The following SIMC1 variants were observed in gnomAD, a reference collection of about 807,000 sequenced individuals.
SIMC1 encodes the protein SUMO interacting motifs containing 1.
A neutral mutation model predicts 82.3 loss-of-function variants in SIMC1; 55 were observed. The ratio of observed to expected loss-of-function variants is 0.67; its 90% CI spans 0.54 to 0.84. The LOEUF is 0.84. SIMC1 is among the 40% of genes least tolerant of loss of function. SIMC1 has a pLI of 0.00. For synonymous variants in SIMC1, 353 were observed against 426.3 expected, an observed-to-expected ratio of 0.83 and a Z score of 2.12; for missense variants, 915 against 1,107.2, an observed-to-expected ratio of 0.83 and a Z score of 2.46.
rs542385317 is a variant in SIMC1 at position 176,284,177 on chromosome 5, A to T, written c.130-5477A>T. 5.3e-5 allele frequency among the ~76,000 whole-genome samples: 8 copies of T among 152,348 alleles called. No homozygotes were observed. The South Asian group carries it at 1.7e-3, about 32-fold the overall frequency. On this transcript the variant is annotated intron_variant, in intron 1 of 9. Transcript: ENST00000429602. ...ACTCAGCTCTGTACCAAGCGGACCT[A>T]CTAGACATCTACAGAACTCTCCACC...
chr5:176,275,733 G>A (rs1287027073), intron 1 of SIMC1, among the ~76,000 whole-genome samples: 1 of 151,902 alleles, frequency 6.6e-6, no homozygotes, highest in Admixed American at 6.5e-5. Flanking sequence ...AGATAATCAT[G>A]TGGTTTTTGT....
In SIMC1 at chr5:176,289,680, C is replaced by G; in HGVS notation, c.156C>G (p.Thr52=). The G allele has an allele frequency of 2.5e-6, 4 of 1,609,184 alleles. No homozygotes were observed. Among genetic ancestry groups the G allele is most frequent in the Non-Finnish European group, 3.4e-6 (4 of 1,177,716 alleles). Residue 52 remains threonine, a synonymous_variant, in exon 2 of 10, where the codon ACC becomes ACG. Transcript: ENST00000429602. ...ACTTCATTGACTTAACTAGAGAGAC[C>G]AGACCAAGGACAAAAGATCGCAGTG... is the stretch of plus-strand genomic sequence containing the variant. ...TVDFIDLTRE[T]RPRTKDRSGL...
chr5:176,304,599 C>T (rs1314034519), intron 4 of SIMC1, among the ~76,000 whole-genome samples: 25 of 148,120 alleles, frequency 1.7e-4, no homozygotes, highest in East Asian at 2.0e-4. Flanking sequence ...AGCCTCTGCC[C>T]GGCCGCCACC....
At chr5:176,272,683 T>C (rs1341544754) in intron 1 of SIMC1, among the ~76,000 whole-genome samples, 1 of 152,172 alleles carries the variant, frequency 6.6e-6, no homozygotes, top group Non-Finnish European at 1.5e-5. Flanking sequence ...TTCCCTTTCC[T>C]AGCCAAGGGA....
chr5:176,318,840 C>G (rs996299504), intron 5 of SIMC1, among the ~76,000 whole-genome samples: 1 of 152,188 alleles, frequency 6.6e-6, no homozygotes, highest in Non-Finnish European at 1.5e-5. Flanking sequence ...GGCGTGGTGG[C>G]TCACGCCTGT....
chr5:176,303,294 A>G (rs915750082), intron 4 of SIMC1, among the ~76,000 whole-genome samples: 1 of 145,882 alleles, frequency 6.9e-6, no homozygotes, highest in Non-Finnish European at 1.5e-5. Flanking sequence ...AAAAGTTGGT[A>G]TCTTGCAAAG....
In SIMC1 at chr5:176,308,237, A is replaced by G. The variant is rs889865396; in HGVS notation, c.1735-5454A>G. ...CAAATTTGCATATACTGGAACTGAA[A>G]TGCGCACAGTTGCTGAAAAGGTTGA... On this transcript the variant is annotated intron_variant, in intron 4 of 9. Coordinates refer to ENST00000429602, the MANE Select transcript of SIMC1 (RefSeq NM_001308195.2). 22 of 1,540,756 alleles carry G rather than the reference A, an allele frequency of 1.4e-5. No individual in the cohort carries two copies. The African/African-American group carries it at 2.9e-4, about 20-fold the overall frequency.
chr5:176,245,853 T>C (rs953351540), intron 1 of SIMC1, among the ~76,000 whole-genome samples: 8 of 152,206 alleles, frequency 5.3e-5, no homozygotes, highest in African/African-American at 1.9e-4. Context: ...CAAGGGTGGC[T>C]CCAGTCCAAG....
chr5:176,271,781 C>A (rs72645796), intron 1 of SIMC1, among the ~76,000 whole-genome samples: 21,064 of 149,424 alleles, frequency 0.14, 1,502 homozygotes, highest in Middle Eastern at 0.21. Flanking sequence ...ACCCATTTAC[C>A]CTGATGTGAT....
intron 4 of SIMC1, among the ~76,000 whole-genome samples, chr5:176,302,934 A>G (rs909094424): frequency 2.6e-5 from 4 of 152,230 alleles, no homozygotes; most frequent in African/African-American, 4.8e-5. Context: ...TCCTATATTC[A>G]TGGAGTGGAA....
At chr5:176,271,544 T>G (rs990437887) in intron 1 of SIMC1, among the ~76,000 whole-genome samples, 2 of 151,806 alleles carry the variant, frequency 1.3e-5, no homozygotes, top group Non-Finnish European at 2.9e-5. Flanking sequence ...ATGGTGATAG[T>G]GAGTAGAATG....
chr5:176,335,915 C>G (rs756245407), intron 7 of SIMC1, among the ~76,000 whole-genome samples: 18 of 151,976 alleles, frequency 1.2e-4, no homozygotes, highest in Non-Finnish European at 2.5e-4. Context: ...CAGTGGCACA[C>G]TCCTGTAGTT....
At chr5:176,325,031 G>A (rs1002465862) in intron 7 of SIMC1, among the ~76,000 whole-genome samples, 14 of 152,108 alleles carry the variant, frequency 9.2e-5, no homozygotes, top group Admixed American at 2.0e-4. Context: ...CCTAAATGGA[G>A]GCTAAATTTT....
At chr5:176,329,543 G>A (rs1489147008) in intron 7 of SIMC1, among the ~76,000 whole-genome samples, 2 of 149,792 alleles carry the variant, frequency 1.3e-5, no homozygotes, top group Non-Finnish European at 3.0e-5. Flanking sequence ...TCATCACAAG[G>A]ATTCCTTGTG....
intron 2 of SIMC1, among the ~76,000 whole-genome samples, chr5:176,293,877 C>T (rs1763688990): frequency 6.6e-6 from 1 of 151,726 alleles, no homozygotes; most frequent in African/African-American, 2.4e-5. Context: ...TATAGAAGAG[C>T]ACATAGAGAA....
chr5:176,254,250 A>G (rs1228485981), intron 1 of SIMC1, among the ~76,000 whole-genome samples: 1 of 152,188 alleles, frequency 6.6e-6, no homozygotes, highest in Admixed American at 6.5e-5. Flanking sequence ...GTGAAATTTC[A>G]ATTACACCGT....
chr5:176,330,550 G>A (rs992772707), intron 7 of SIMC1, among the ~76,000 whole-genome samples: 8 of 152,200 alleles, frequency 5.3e-5, no homozygotes, highest in Non-Finnish European at 8.8e-5. Flanking sequence ...AAAAGACACA[G>A]GAGTCAGCTT....
chr5:176,271,188 C>T (rs1762410021), intron 1 of SIMC1, among the ~76,000 whole-genome samples: 1 of 152,070 alleles, frequency 6.6e-6, no homozygotes, highest in Non-Finnish European at 1.5e-5. Flanking sequence ...GGCGAAACCC[C>T]ATCTCTACTA....
Position 176,321,885 on chromosome 5 carries a change from C to CTTTTT in SIMC1, c.1890-371_1890-367dup, listed in dbSNP as rs11418187. 7.8e-3 allele frequency among the ~76,000 whole-genome samples: 707 copies of CTTTTT among 90,726 alleles called. 5 individuals carry two copies. The highest frequency in any genetic ancestry group is 8.4e-3 in the Non-Finnish European group (425 of 50,560). 59.5% of individuals were successfully genotyped at this position (90,726 alleles called of 152,430 possible). A position where few individuals can be genotyped will look rare whatever the true frequency, so the allele number is the denominator to read the frequency against. ...AGAAAAATGTTGATATTTTAGTTAG[C>CTTTTT]TTTTTTTTTTTTTTTTTTTTTGTAG... On this transcript the variant is annotated intron_variant, in intron 5 of 9. Coordinates refer to ENST00000429602, the MANE Select transcript of SIMC1 (RefSeq NM_001308195.2).
Sources: gnomAD v4.1 joint callset for allele counts (sites outside exome capture counted in the v4.1 genomes callset) on GRCh38, gnomAD v4.1.1 for gene constraint, MANE v1.5 for transcripts, NCBI Gene and HGNC (gene_info 2026-07-23, HGNC 2026-07-21) for gene names.